UNC13C: variants seen among roughly 807,000 people sequenced by gnomAD.
The protein encoded by UNC13C is unc-13 homolog C.
Under a neutral mutation model 245.4 loss-of-function variants are expected in UNC13C, and 174 were observed. The ratio of observed to expected loss-of-function variants is 0.71; its 90% CI spans 0.63 to 0.80. The LOEUF is 0.80. Among genes scored for constraint, UNC13C ranks in the 30% least tolerant of loss-of-function variants. UNC13C has a pLI of 0.00. For synonymous variants in UNC13C, 992 were observed against 895.1 expected (o/e 1.11, Z -1.93); for missense variants, 2,829 against 2,602.9 (o/e 1.09, Z -1.89).
At chr15:53,903,597 A>G in the UNC13C span, among the ~76,000 whole-genome samples, 2 of 152,202 alleles carry the variant, frequency 1.3e-5, no homozygotes, top group Non-Finnish European at 2.9e-5. Context: ...CAGAGCGAGA[A>G]TTCCCATAAT....
chr15:54,054,971 G>A (rs1260782118), intron 2 of UNC13C, among the ~76,000 whole-genome samples: 1 of 151,998 alleles, frequency 6.6e-6, no homozygotes, highest in East Asian at 1.9e-4. Flanking sequence ...ATCAACTGTG[G>A]CCTACACTGT....
chr15:54,021,617 T>C (rs1566956146), intron 2 of UNC13C, among the ~76,000 whole-genome samples: 1 of 152,232 alleles, frequency 6.6e-6, no homozygotes, highest in Admixed American at 6.5e-5. Flanking sequence ...CTTTCATATC[T>C]TGGCTATTGT....
intron 2 of UNC13C, among the ~76,000 whole-genome samples, chr15:54,118,950 A>G (rs1395824033): frequency 1.3e-5 from 2 of 150,248 alleles, no homozygotes; most frequent in African/African-American, 4.9e-5. Context: ...ATTGATTGAC[A>G]TGAGTATCTT....
intron 28 of UNC13C, among the ~76,000 whole-genome samples, chr15:54,552,158 C>T (rs528482062): frequency 4.1e-5 from 6 of 146,594 alleles, no homozygotes; most frequent in Non-Finnish European, 8.9e-5. Context: ...GGGATTATTC[C>T]ATTAAACATG....
At chr15:54,020,461 TTTA>T (rs761642842) in intron 2 of UNC13C, among the ~76,000 whole-genome samples, 14,279 of 138,688 alleles carry the variant, frequency 0.1, 892 homozygotes, top group Non-Finnish European at 0.12. Flanking sequence ...TTTTTTTTTT[TTTA>T]ATTAGAGATG....
intron 19 of UNC13C, among the ~76,000 whole-genome samples, chr15:54,487,204 C>T (rs1893460389): frequency 6.6e-6 from 1 of 152,168 alleles, no homozygotes; most frequent in Non-Finnish European, 1.5e-5. Flanking sequence ...ATCCTGGATT[C>T]ATTCCGGGTT....
At chr15:54,110,999 C>G (rs72742578) in intron 2 of UNC13C, among the ~76,000 whole-genome samples, 1 of 152,174 alleles carries the variant, frequency 6.6e-6, no homozygotes, top group South Asian at 2.1e-4. Flanking sequence ...CCATACCAGT[C>G]GATTACTCTT....
At chr15:54,468,689 A>G (rs1022611398) in intron 19 of UNC13C, among the ~76,000 whole-genome samples, 4 of 151,722 alleles carry the variant, frequency 2.6e-5, no homozygotes, top group East Asian at 1.9e-4. Flanking sequence ...TCCCAGTACC[A>G]TCTGTTGAAA....
In UNC13C at chr15:54,191,005, A is replaced by G. The variant is rs1028337248; in HGVS notation, c.3072-44025A>G. Among the ~76,000 whole-genome samples, 136 of 152,196 alleles carry G rather than the reference A, an allele frequency of 8.9e-4. 2 individuals are homozygous for G. The highest frequency in any genetic ancestry group is 1.2e-3 in the Non-Finnish European group (85 of 68,004). On this transcript the variant is annotated intron_variant, in intron 4 of 32. Transcript: ENST00000260323. ...AGCAATGATAAAATTAGTTTAGTCC[A>G]TATTAGTTTAGTTCCTCAATTTTTT...
At chr15:54,458,426 C>T (rs1322643300) in intron 19 of UNC13C, among the ~76,000 whole-genome samples, 1 of 151,930 alleles carries the variant, frequency 6.6e-6, no homozygotes. Context: ...TAATTTAAGT[C>T]CATTGTTTCT....
At chr15:54,061,744 C>T (rs1252573414) in intron 2 of UNC13C, among the ~76,000 whole-genome samples, 12 of 152,240 alleles carry the variant, frequency 7.9e-5, no homozygotes, top group Admixed American at 7.8e-4. Context: ...TGAGCTTCCT[C>T]ACTGTATGCA....
At chr15:54,104,405 T>C (rs1388816436) in intron 2 of UNC13C, among the ~76,000 whole-genome samples, 1 of 152,146 alleles carries the variant, frequency 6.6e-6, no homozygotes, top group Admixed American at 6.5e-5. Context: ...TAGATTTTTT[T>C]CCCCCTGGCC....
chr15:54,492,064 T>C (rs1022153475), intron 19 of UNC13C, among the ~76,000 whole-genome samples: 3 of 152,132 alleles, frequency 2.0e-5, no homozygotes, highest in Non-Finnish European at 4.4e-5. Flanking sequence ...CAGCCTTTAC[T>C]TTTTCTACTC....
the UNC13C span, among the ~76,000 whole-genome samples, chr15:53,965,196 A>C: frequency 6.6e-6 from 1 of 152,196 alleles, no homozygotes; most frequent in Non-Finnish European, 1.5e-5. Flanking sequence ...AAAAGTAGGC[A>C]AATTATTATA....
chr15:53,943,577 A>T, the UNC13C span, among the ~76,000 whole-genome samples: 1 of 152,150 alleles, frequency 6.6e-6, no homozygotes, highest in Non-Finnish European at 1.5e-5. Context: ...TCTATTTTTA[A>T]CTGTTTTAAA....
At chr15:54,050,635 G>T (rs1196655583) in intron 2 of UNC13C, 6 of 455,444 alleles carry the variant, frequency 1.3e-5, no homozygotes, top group Admixed American at 2.8e-5. Flanking sequence ...GAACTTATGA[G>T]GACAAAGCTT....
chr15:53,927,867 C>T, the UNC13C span, among the ~76,000 whole-genome samples: 17 of 152,162 alleles, frequency 1.1e-4, no homozygotes, highest in Non-Finnish European at 7.3e-5. Flanking sequence ...CAGCTACCAT[C>T]ATGTCTCTAA....
intron 2 of UNC13C, among the ~76,000 whole-genome samples, chr15:54,102,896 C>T (rs1900237480): frequency 6.6e-6 from 1 of 152,196 alleles, no homozygotes. Context: ...TGCCATAGTT[C>T]TGGTGTCACT....
chr15:54,324,769 G>A (rs2038250759), intron 14 of UNC13C, among the ~76,000 whole-genome samples: 2 of 151,990 alleles, frequency 1.3e-5, no homozygotes, highest in Non-Finnish European at 2.9e-5. Flanking sequence ...TTAGCCCATT[G>A]AATTTGGCAA....
Sources: allele counts gnomAD v4.1 joint callset (sites outside exome capture counted in the v4.1 genomes callset), GRCh38; gene constraint gnomAD v4.1.1; transcripts MANE v1.5; gene names NCBI Gene and HGNC (gene_info 2026-07-23, HGNC 2026-07-21).